Variants in PCDHA4 observed in about 807,000 individuals in gnomAD.
PCDHA4 encodes protocadherin alpha 4.
Under a neutral mutation model 61.4 loss-of-function variants are expected in PCDHA4, and 49 were observed. That is an observed-to-expected ratio of 0.80 (90% CI 0.63 to 1.01). The LOEUF (loss-of-function observed/expected upper bound fraction) is 1.01, where lower values mean the gene tolerates loss of function less well. Among genes scored for constraint, PCDHA4 ranks in the 50% least tolerant of loss-of-function variants. PCDHA4 has a pLI of 0.00. For synonymous variants in PCDHA4, 590 were observed against 550.3 expected (o/e 1.07, Z -1.01); for missense variants, 1,254 against 1,235.8 (o/e 1.01, Z -0.22).
At chr5:140,927,045 C>T (rs965998627) in intron 1 of PCDHA4, 8 of 1,612,136 alleles carry the variant, frequency 5.0e-6, no homozygotes, top group African/African-American at 1.3e-5. Flanking sequence ...CCGCTATGTC[C>T]TCGCGGAACT....
chr5:140,934,043 G>A (rs1241698438), intron 1 of PCDHA4, among the ~76,000 whole-genome samples: 1 of 151,818 alleles, frequency 6.6e-6, no homozygotes, highest in African/African-American at 2.4e-5. Context: ...AATGATATTA[G>A]TCTTTCCAAG....
intron 1 of PCDHA4, chr5:140,835,064 A>G (rs2150230368): frequency 1.6e-6 from 2 of 1,216,012 alleles, no homozygotes; most frequent in East Asian, 2.6e-5. Flanking sequence ...GCACCGTTCA[A>G]TTACTCATCA....
chr5:140,841,165 C>A (rs1343151176), intron 1 of PCDHA4: 4 of 935,830 alleles, frequency 4.3e-6, no homozygotes, highest in Admixed American at 2.9e-5. Context: ...CCAAGAAGTT[C>A]TGGTTGGTCA....
intron 1 of PCDHA4, chr5:140,815,136 A>G (rs2126661786): frequency 6.6e-5 from 10 of 152,148 alleles, no homozygotes; most frequent in Admixed American, 2.6e-4. Context: ...AAAAAAATCA[A>G]TTCAACCACT....
At chr5:140,875,815 C>T (rs782785462) in intron 1 of PCDHA4, 11 of 1,614,218 alleles carry the variant, frequency 6.8e-6, no homozygotes, top group Non-Finnish European at 9.3e-6. Flanking sequence ...CAGGCCGCTG[C>T]AGGTTTTCCA....
intron 1 of PCDHA4, chr5:140,868,773 G>T: frequency 3.8e-6 from 1 of 263,102 alleles, no homozygotes. Flanking sequence ...GTTTCAATAT[G>T]ACTTATAATC....
chr5:140,924,978 T>A (rs2082232142), intron 1 of PCDHA4, among the ~76,000 whole-genome samples: 1 of 151,330 alleles, frequency 6.6e-6, no homozygotes, highest in Non-Finnish European at 1.5e-5. Flanking sequence ...CAGTGGCTCA[T>A]GTCTGTAATC....
In PCDHA4 at chr5:140,838,709, G is replaced by A. The variant is rs2150291711; in HGVS notation, c.2385+29137G>A. 7.4e-3 allele frequency among the ~76,000 whole-genome samples: 1,129 copies of A among 152,134 alleles called. 12 individuals carry two copies. The highest frequency in any genetic ancestry group is 0.014 in the Admixed American group (208 of 15,280). On this transcript the variant is annotated intron_variant, in intron 1 of 3. Transcript: ENST00000530339. ...CCAACATTTCGGGAGGCCGAGGCAG[G>A]AGGATTGCTTCAGTCTAGTAGTTTG...
chr5:140,866,295 G>T (rs561985862), intron 1 of PCDHA4: 17 of 152,252 alleles, frequency 1.1e-4, no homozygotes, highest in African/African-American at 3.4e-4. Flanking sequence ...GACAAGTATA[G>T]ATGTTGATAT....
intron 1 of PCDHA4, among the ~76,000 whole-genome samples, chr5:140,855,336 A>AT (rs1438851451): frequency 6.7e-6 from 1 of 149,788 alleles, no homozygotes; most frequent in Non-Finnish European, 1.5e-5. Context: ...AGGTTAAACG[A>AT]TTTTCCCAAG....
At chr5:140,865,937 T>A (rs529378074) in intron 1 of PCDHA4, 1 of 152,330 alleles carries the variant, frequency 6.6e-6, no homozygotes, top group South Asian at 2.1e-4. Context: ...AGAAACTTCA[T>A]GATTGTCTTC....
chr5:140,809,113 T>C lies in PCDHA4; in HGVS notation c.1926T>C (p.Ala642=), dbSNP rs1764368152. Residue 642 remains alanine (A), a synonymous_variant, in exon 1 of 4, where the codon GCT becomes GCC. Coordinates refer to ENST00000530339, the MANE Select transcript of PCDHA4 (RefSeq NM_018907.4). ...STTRALDETD[A]PRHRLLVLVK... ...CGCGTGCCCTGGACGAAACGGACGC[T>C]CCGCGCCACCGCCTACTGGTACTGG... 1 of 1,613,928 alleles carries C rather than the reference T, an allele frequency of 6.2e-7. No individual in the cohort carries two copies. Among genetic ancestry groups the C allele is most frequent in the Non-Finnish European group, 8.5e-7 (1 of 1,179,912 alleles).
At chr5:140,860,151 GTGTATATATATA>G (rs1350684051) in intron 1 of PCDHA4, 1 of 149,616 alleles carries the variant, frequency 6.7e-6, no homozygotes, top group African/African-American at 2.5e-5. Context: ...ATGTATATAT[GTGTATATATATA>G]TGTATATATA....
At chr5:140,824,778 C>G (rs189409181) in intron 1 of PCDHA4, 1 of 151,724 alleles carries the variant, frequency 6.6e-6, no homozygotes, top group Non-Finnish European at 1.5e-5. Context: ...TGTTTTAACA[C>G]CACCCTTCCA....
At chr5:140,885,981 G>A (rs536900560) in intron 1 of PCDHA4, among the ~76,000 whole-genome samples, 44 of 151,942 alleles carry the variant, frequency 2.9e-4, no homozygotes, top group African/African-American at 8.4e-4. Context: ...TTATAGATTC[G>A]CATGTGGTTG....
At chr5:140,867,347 T>C (rs1465501574) in intron 1 of PCDHA4, 1 of 152,144 alleles carries the variant, frequency 6.6e-6, no homozygotes, top group Non-Finnish European at 1.5e-5. Context: ...GAGGCTACTA[T>C]GATTGATTAT....
At chr5:140,964,262 A>C (rs1327933465) in intron 1 of PCDHA4, among the ~76,000 whole-genome samples, 1 of 152,206 alleles carries the variant, frequency 6.6e-6, no homozygotes, top group Non-Finnish European at 1.5e-5. Context: ...TTGACTCCTT[A>C]ATAATTAAGG....
In PCDHA4 at chr5:140,848,671, T is replaced by C. The variant is rs2150416657; in HGVS notation, c.2385+39099T>C. The C allele has an allele frequency of 3.1e-6, 5 of 1,592,316 alleles. 1 individual carries two copies. The highest frequency in any genetic ancestry group is 2.2e-5 in the South Asian group (2 of 90,134). On this transcript the variant is annotated intron_variant, in intron 1 of 3. Transcript: ENST00000530339. ...GACCTGGGGCTGGAGCTGGCGGAGCTGGTGCCGCGCCTGTTCCAGTTGGAT... is the reference window on the plus strand; with the variant it reads ...GACCTGGGGCTGGAGCTGGCGGAGCCGGTGCCGCGCCTGTTCCAGTTGGAT...
chr5:140,824,919 C>G (rs1554130098), intron 1 of PCDHA4: 3 of 152,056 alleles, frequency 2.0e-5, no homozygotes, highest in African/African-American at 7.2e-5. Flanking sequence ...CCTGTATACC[C>G]ATGATGAATT....
Sources: allele counts gnomAD v4.1 joint callset (sites outside exome capture counted in the v4.1 genomes callset), GRCh38; gene constraint gnomAD v4.1.1; transcripts MANE v1.5; gene names NCBI Gene and HGNC (gene_info 2026-07-23, HGNC 2026-07-21).